The following PAPPA2 variants were observed in gnomAD, a reference collection of about 807,000 sequenced individuals.
The protein encoded by PAPPA2 is pappalysin 2.
Under a neutral mutation model 176.4 loss-of-function variants are expected in PAPPA2, and 86 were observed. The ratio of observed to expected loss-of-function variants is 0.49; its 90% CI spans 0.41 to 0.58. PAPPA2 has a LOEUF of 0.58. PAPPA2 is among the 20% of genes least tolerant of loss of function. The pLI, the probability that PAPPA2 is intolerant of heterozygous loss-of-function variation, is 0.00. For missense variants in PAPPA2, 2,073 were observed against 2,256.9 expected (o/e 0.92, Z 1.65); for synonymous variants, 809 against 852.2 (o/e 0.95, Z 0.88).
At chr1:176,557,923 GA>G (rs1351083906) in intron 2 of PAPPA2, among the ~76,000 whole-genome samples, 1 of 152,136 alleles carries the variant, frequency 6.6e-6, no homozygotes, top group African/African-American at 2.4e-5. Flanking sequence ...CCTAAAAAAT[GA>G]AACTTTTTAT....
chr1:176,828,238 G>T (rs1666932414), intron 21 of PAPPA2, among the ~76,000 whole-genome samples: 1 of 152,024 alleles, frequency 6.6e-6, no homozygotes, highest in South Asian at 2.1e-4. Context: ...CCTGTAAAAT[G>T]GTCATAATAA....
At chr1:176,778,312 G>T (rs548704051) in intron 17 of PAPPA2, among the ~76,000 whole-genome samples, 1 of 152,156 alleles carries the variant, frequency 6.6e-6, no homozygotes, top group African/African-American at 2.4e-5. Flanking sequence ...GAAAGAGGGG[G>T]AAAAAGAAAC....
At chr1:176,684,073 G>C (rs1398434500) in intron 4 of PAPPA2, among the ~76,000 whole-genome samples, 1 of 152,150 alleles carries the variant, frequency 6.6e-6, no homozygotes. Flanking sequence ...ACCATGGATG[G>C]AATCGTCTCA....
At chr1:176,725,452 A>AGGGATCCAATC (rs1661821186) in intron 12 of PAPPA2, among the ~76,000 whole-genome samples, 1 of 152,182 alleles carries the variant, frequency 6.6e-6, no homozygotes, top group South Asian at 2.1e-4. Context: ...ATATATTGTG[A>AGGGATCCAATC]TATGGAGGGA....
At chr1:176,538,379 G>A (rs1158849498) in intron 1 of PAPPA2, among the ~76,000 whole-genome samples, 2 of 152,176 alleles carry the variant, frequency 1.3e-5, no homozygotes, top group Non-Finnish European at 2.9e-5. Context: ...GTATAGAAGT[G>A]GAAATGAAGA....
chr1:176,635,877 G>T (rs1418400245), intron 3 of PAPPA2, among the ~76,000 whole-genome samples: 1 of 152,026 alleles, frequency 6.6e-6, no homozygotes, highest in Non-Finnish European at 1.5e-5. Flanking sequence ...GACAAATGAG[G>T]TTGCAAAACT....
In PAPPA2 at chr1:176,805,277, A is replaced by G. The variant is rs553443459; in HGVS notation, c.5202+5145A>G. ...CATAGAACTGATTAGTTTTCTTCATACTTATGGGATGATTAAAATCCACCT... is the reference window on the plus strand; with the variant it reads ...CATAGAACTGATTAGTTTTCTTCATGCTTATGGGATGATTAAAATCCACCT... On this transcript the variant is annotated intron_variant, in intron 21 of 22. Coordinates refer to ENST00000367662, the MANE Select transcript of PAPPA2 (RefSeq NM_020318.3). 3.3e-5 allele frequency among the ~76,000 whole-genome samples: 5 copies of G among 152,232 alleles called. No homozygotes were observed. The East Asian group carries it at 5.8e-4, about 18-fold the overall frequency.
At chr1:176,746,577 T>C (rs1558558448) in intron 14 of PAPPA2, among the ~76,000 whole-genome samples, 1 of 152,186 alleles carries the variant, frequency 6.6e-6, no homozygotes, top group Non-Finnish European at 1.5e-5. Context: ...ATATAATTTC[T>C]GAATAGATTT....
chr1:176,540,243 A>C (rs1026417443), intron 1 of PAPPA2, among the ~76,000 whole-genome samples: 1 of 152,220 alleles, frequency 6.6e-6, no homozygotes, highest in Non-Finnish European at 1.5e-5. Flanking sequence ...ACATTGCAAT[A>C]AATGGTATTT....
chr1:176,623,210 G>A (rs1655691832), intron 3 of PAPPA2, among the ~76,000 whole-genome samples: 1 of 152,110 alleles, frequency 6.6e-6, no homozygotes, highest in South Asian at 2.1e-4. Context: ...TTCTACAGCT[G>A]CCCCAAGAAC....
At chr1:176,596,432 CT>C (rs1429654450) in intron 3 of PAPPA2, among the ~76,000 whole-genome samples, 2 of 152,196 alleles carry the variant, frequency 1.3e-5, no homozygotes, top group African/African-American at 4.8e-5. Flanking sequence ...TGGAATCCTC[CT>C]TTCCTTAATA....
intron 1 of PAPPA2, among the ~76,000 whole-genome samples, chr1:176,506,368 T>C (rs1648266614): frequency 6.6e-6 from 1 of 152,072 alleles, no homozygotes; most frequent in Non-Finnish European, 1.5e-5. Context: ...TTTAGAATAG[T>C]TTTTTTCTAA....
intron 21 of PAPPA2, among the ~76,000 whole-genome samples, chr1:176,804,411 G>A (rs1557882117): frequency 6.6e-6 from 1 of 152,142 alleles, no homozygotes; most frequent in East Asian, 1.9e-4. Flanking sequence ...TATAGTGAGT[G>A]GAGGACAGGG....
chr1:176,528,299 G>A (rs1649605282), intron 1 of PAPPA2, among the ~76,000 whole-genome samples: 2 of 152,166 alleles, frequency 1.3e-5, no homozygotes, highest in African/African-American at 2.4e-5. Flanking sequence ...ATGGAGGGCA[G>A]CTCATCCCCT....
intron 5 of PAPPA2, 107 bp from the exon 6 acceptor site, chr1:176,692,019 C>A: frequency 9.6e-7 from 1 of 1,046,824 alleles, no homozygotes; most frequent in Non-Finnish European, 1.4e-6. Flanking sequence ...GCTCATTGAG[C>A]CTAATAAGTT....
chr1:176,543,091 T>C (rs1650445809), intron 1 of PAPPA2, among the ~76,000 whole-genome samples: 1 of 152,192 alleles, frequency 6.6e-6, no homozygotes, highest in Admixed American at 6.5e-5. Context: ...ACATCTCTGT[T>C]ACTCTATTTC....
chr1:176,648,418 C>T (rs998342983), intron 3 of PAPPA2, among the ~76,000 whole-genome samples: 1 of 151,444 alleles, frequency 6.6e-6, no homozygotes, highest in Admixed American at 6.6e-5. Context: ...AGTTTGGATG[C>T]CCTTTATTTT....
intron 14 of PAPPA2, among the ~76,000 whole-genome samples, chr1:176,763,460 C>T (rs1037774957): frequency 6.6e-6 from 1 of 152,150 alleles, no homozygotes; most frequent in African/African-American, 2.4e-5. Flanking sequence ...TTTCACATCC[C>T]CATTTGTCAT....
In PAPPA2 at chr1:176,800,053, C is replaced by G. The variant is rs762098579; in HGVS notation, c.5131-8C>G. 1 of 1,613,864 alleles carries G rather than the reference C, an allele frequency of 6.2e-7. No individual in the cohort carries two copies. Among genetic ancestry groups the G allele is most frequent in the South Asian group, 1.1e-5 (1 of 91,058 alleles). ...TTTGTTTTCTGTTTTTCCCGTCTTT[C>G]CCCTTAGAGCATTGTGTGCACTGGC... On this transcript the variant is annotated splice_region_variant and splice_polypyrimidine_tract_variant and intron_variant, in intron 20 of 22. Coordinates refer to ENST00000367662, the MANE Select transcript of PAPPA2 (RefSeq NM_020318.3).
Sources: gnomAD v4.1 joint callset for allele counts (sites outside exome capture counted in the v4.1 genomes callset) on GRCh38, gnomAD v4.1.1 for gene constraint, MANE v1.5 for transcripts, NCBI Gene and HGNC (gene_info 2026-07-23, HGNC 2026-07-21) for gene names.